Variants in CDH1 observed in about 807,000 individuals in gnomAD.
CDH1 encodes the protein cadherin 1.
A neutral mutation model predicts 84.5 loss-of-function variants in CDH1; 35 were observed. The ratio of observed to expected loss-of-function variants is 0.41; its 90% CI spans 0.32 to 0.55. CDH1 has a LOEUF of 0.55. Among genes scored for constraint, CDH1 ranks in the 20% least tolerant of loss-of-function variants. CDH1 has a pLI of 0.19. For missense variants in CDH1, 994 were observed against 1,126.6 expected (o/e 0.88, Z 1.68); for synonymous variants, 417 against 439.0 (o/e 0.95, Z 0.63).
intron 2 of CDH1, among the ~76,000 whole-genome samples, chr16:68,797,128 T>A (rs1960383804): frequency 6.6e-6 from 1 of 152,236 alleles, no homozygotes; most frequent in Non-Finnish European, 1.5e-5. Flanking sequence ...GGCTCATGCC[T>A]GTAATCCCAG....
chr16:68,739,505 TCCTTCTGTCTCAG>T (rs1246024981), intron 2 of CDH1, among the ~76,000 whole-genome samples: 1 of 151,940 alleles, frequency 6.6e-6, no homozygotes, highest in African/African-American at 2.4e-5. Context: ...GCTCAAAGGA[TCCTTCTGTCTCAG>T]CCTCTCAAAG....
chr16:68,799,100 G>A (rs1041136226), intron 2 of CDH1, among the ~76,000 whole-genome samples: 8 of 152,310 alleles, frequency 5.3e-5, no homozygotes, highest in Non-Finnish European at 8.8e-5. Context: ...AGAAGGCCAA[G>A]GCCCATAGAG....
At chr16:68,783,620 A>G (rs1699960095) in intron 2 of CDH1, among the ~76,000 whole-genome samples, 1 of 152,146 alleles carries the variant, frequency 6.6e-6, no homozygotes, top group Admixed American at 6.5e-5. Flanking sequence ...GATTCTTCCC[A>G]TATTATTACA....
chr16:68,748,347 C>T (rs980328913), intron 2 of CDH1, among the ~76,000 whole-genome samples: 1 of 152,114 alleles, frequency 6.6e-6, no homozygotes, highest in African/African-American at 2.4e-5. Context: ...CTCAGGTGAT[C>T]TGCCCGCCTT....
chr16:68,766,739 T>TC (rs1445949216), intron 2 of CDH1, among the ~76,000 whole-genome samples: 2 of 20,532 alleles, frequency 9.7e-5, no homozygotes, highest in Non-Finnish European at 1.7e-4. Flanking sequence ...TAGAACCCCC[T>TC]TTTTTTTTGA....
At chr16:68,787,929 A>G (rs1960105710) in intron 2 of CDH1, among the ~76,000 whole-genome samples, 1 of 150,054 alleles carries the variant, frequency 6.7e-6, no homozygotes, top group African/African-American at 2.5e-5. Flanking sequence ...GGGTTCAAGC[A>G]ATTCTCCTGC....
intron 10 of CDH1, among the ~76,000 whole-genome samples, chr16:68,818,869 A>G (rs1317019150): frequency 6.7e-6 from 1 of 149,176 alleles, no homozygotes; most frequent in South Asian, 2.1e-4. Context: ...AAAAAAAAAA[A>G]AGAAAGAAAG....
chr16:68,778,391 T>G (rs963619374), intron 2 of CDH1, among the ~76,000 whole-genome samples: 4 of 152,184 alleles, frequency 2.6e-5, no homozygotes, highest in African/African-American at 9.6e-5. Flanking sequence ...GTTAATGATA[T>G]CTCAATATTT....
Position 68,737,375 on chromosome 16 carries a change from C to A in CDH1, c.-41C>A, listed in dbSNP as rs730881658. 2.0e-5 allele frequency: 31 copies of A among 1,521,164 alleles called. No homozygotes were observed. The highest frequency in any genetic ancestry group is 6.0e-5 in the South Asian group (5 of 82,980). 94.2% of individuals were successfully genotyped at this position (1,521,164 alleles called of 1,614,324 possible). On this transcript the variant is annotated 5_prime_UTR_variant, in exon 1 of 16. Coordinates refer to ENST00000261769, the MANE Select transcript of CDH1 (RefSeq NM_004360.5). ...CCGCTCCAGCCCGGCCCGACCCGAC[C>A]GCACCCGGCGCCTGCCCTCGCTCGG...
intron 3 of CDH1, 131 bp downstream of exon 3, chr16:68,802,024 G>A (rs1441965222): frequency 1.3e-6 from 1 of 781,338 alleles, no homozygotes; most frequent in Non-Finnish European, 2.2e-6. Flanking sequence ...TGTGCACTGT[G>A]TAGGATGTTT....
At chr16:68,790,429 C>G (rs1310911037) in intron 2 of CDH1, among the ~76,000 whole-genome samples, 1 of 152,166 alleles carries the variant, frequency 6.6e-6, no homozygotes, top group African/African-American at 2.4e-5. Flanking sequence ...GGAATGTTTC[C>G]TGGGTTGCAG....
intron 2 of CDH1, among the ~76,000 whole-genome samples, chr16:68,785,145 A>G (rs948102670): frequency 1.3e-5 from 2 of 152,136 alleles, no homozygotes; most frequent in Non-Finnish European, 2.9e-5. Flanking sequence ...TTAAAGTTCT[A>G]TATGTAACTA....
At position 68,831,659 on chromosome 16, in the gene CDH1, C is replaced by A. The variant is rs540338653; in HGVS notation, c.2440-1631C>A. Among the ~76,000 whole-genome samples, 8 of 152,110 alleles carry A rather than the reference C, an allele frequency of 5.3e-5. No homozygotes were observed. In the South Asian group the frequency reaches 1.7e-3, roughly 32 times the overall value. On this transcript the variant is annotated intron_variant, in intron 15 of 15. Transcript: ENST00000261769. ...GATTCAAGCGATTCTCCTGCCTCAG[C>A]CTCCCAAGTAGCTGGGATTACAGGC...
chr16:68,766,208 G>A (rs757762931), intron 2 of CDH1, among the ~76,000 whole-genome samples: 1 of 152,176 alleles, frequency 6.6e-6, no homozygotes, highest in Non-Finnish European at 1.5e-5. Context: ...GCAGTGAGCT[G>A]AGATCACGCC....
intron 3 of CDH1, among the ~76,000 whole-genome samples, chr16:68,804,311 C>T (rs1960594154): frequency 6.6e-6 from 1 of 151,888 alleles, no homozygotes; most frequent in Non-Finnish European, 1.5e-5. Flanking sequence ...GACGGGGTTT[C>T]ACCGTGTTAG....
chr16:68,823,600 T>C lies in CDH1; in HGVS notation c.2138T>C (p.Ile713Thr), dbSNP rs1567513466. The C allele has an allele frequency of 6.2e-7, 1 of 1,613,064 alleles. No homozygotes were observed. ...TTGCAAATTCCTGCCATTCTGGGGATTCTTGGAGGAATTCTTGCTTTGCTA... is the reference window on the plus strand; with the variant it reads ...TTGCAAATTCCTGCCATTCTGGGGACTCTTGGAGGAATTCTTGCTTTGCTA... ...AGLQIPAILG[I>T]LGGILALLIL... Residue 713 changes from isoleucine (I) to threonine (T), a missense_variant, in exon 13 of 16, where the codon ATT becomes ACT. By Grantham distance (89) the Ile-to-Thr change is moderately conservative. Transcript: ENST00000261769.
At chr16:68,816,434 C>T (rs758554307) in intron 10 of CDH1, among the ~76,000 whole-genome samples, 2 of 152,198 alleles carry the variant, frequency 1.3e-5, no homozygotes, top group Admixed American at 6.5e-5. Flanking sequence ...CAACCAACTA[C>T]AACACTTGCT....
At chr16:68,761,446 C>T (rs1410110513) in intron 2 of CDH1, among the ~76,000 whole-genome samples, 1 of 152,204 alleles carries the variant, frequency 6.6e-6, no homozygotes, top group East Asian at 1.9e-4. Context: ...TTCGTTTGTT[C>T]AGTAATGATG....
chr16:68,831,827 C>T (rs1402869578), intron 15 of CDH1, among the ~76,000 whole-genome samples: 1 of 152,126 alleles, frequency 6.6e-6, no homozygotes, highest in Non-Finnish European at 1.5e-5. Flanking sequence ...GTGTGAGCCA[C>T]CGCTCCTGAC....
Sources: allele counts gnomAD v4.1 joint callset (sites outside exome capture counted in the v4.1 genomes callset), GRCh38; gene constraint gnomAD v4.1.1; transcripts MANE v1.5; gene names NCBI Gene and HGNC (gene_info 2026-07-23, HGNC 2026-07-21).